The following MPRIP variants were observed in gnomAD, a reference collection of about 807,000 sequenced individuals.
MPRIP encodes myosin phosphatase Rho-interacting protein.
MPRIP carries 59 observed loss-of-function variants against 234.9 expected under a neutral mutation model. That is an observed-to-expected ratio of 0.25 (90% CI 0.20 to 0.31). The LOEUF is 0.31. Ranked by LOEUF, MPRIP falls within the 10% of genes least tolerant of loss-of-function variation. The probability of loss-of-function intolerance (pLI) is 1.00; values close to 1 mark genes in which losing one functional copy is unlikely to be tolerated. For missense variants in MPRIP, 2,436 were observed against 3,071.0 expected (o/e 0.79, Z 4.89); for synonymous variants, 1,144 against 1,263.9 (o/e 0.91, Z 2.01).
chr17:17,150,067 C>A, intron 11 of MPRIP, 77 bp from the exon 12 acceptor site: 1 of 1,041,916 alleles, frequency 9.6e-7, no homozygotes, highest in Non-Finnish European at 1.5e-6. Context: ...TGCAGAAAAT[C>A]ACTTACGGAA....
rs772542607 is a variant in MPRIP, at chr17:17,166,094, C to G, written c.4503C>G (p.Arg1501=). The G allele has an allele frequency of 7.7e-7, 1 of 1,298,596 alleles. No individual in the cohort carries two copies. Among genetic ancestry groups the G allele is most frequent in the Non-Finnish European group, 1.0e-6 (1 of 985,248 alleles). The allele number at this position is 1,298,596 out of a possible 1,614,324, so 80.4% of individuals were successfully genotyped here. A position where few individuals can be genotyped will look rare whatever the true frequency, so the allele number is the denominator to read the frequency against. The change falls in exon 16 of 24, where the codon CGC becomes CGG. Residue 1501 remains arginine, a synonymous_variant. Coordinates refer to ENST00000651222, the MANE Select transcript of MPRIP (RefSeq NM_001364716.4). This position sits in a 1 kb window ranked among gnomAD's most constrained non-coding sequence, Gnocchi z 4.4. ...RASQEDEQDA[R]AASLASVESA... The stretch of plus-strand genomic sequence containing the variant: ...GCCAGGAGGATGAGCAGGACGCACG[C>G]GCAGCCTCCCTGGCCAGTGTGGAGA...
intron 20 of MPRIP, 86 bp from the exon 21 acceptor site, chr17:17,176,340 G>A (rs2046252824): frequency 2.0e-6 from 2 of 1,000,448 alleles, no homozygotes; most frequent in Non-Finnish European, 3.2e-6. Flanking sequence ...TGATTGGAGA[G>A]CCCTCTGCAC....
At chr17:17,077,860 G>C in intron 2 of MPRIP, 151 bp from the exon 3 acceptor site, 1 of 723,154 alleles carries the variant, frequency 1.4e-6, no homozygotes, top group Non-Finnish European at 2.4e-6. Flanking sequence ...TTGTGCCTCG[G>C]GTCCCTCTTT....
intron 18 of MPRIP, 109 bp from the exon 19 acceptor site, chr17:17,173,807 G>A (rs777758891): frequency 9.4e-6 from 12 of 1,283,166 alleles, no homozygotes; most frequent in Non-Finnish European, 1.2e-5. Flanking sequence ...ACAACAGACT[G>A]TGTGGGCCTG....
chr17:17,148,033 G>T (rs2045516884), intron 11 of MPRIP, among the ~76,000 whole-genome samples: 1 of 152,190 alleles, frequency 6.6e-6, no homozygotes, highest in Non-Finnish European at 1.5e-5. Flanking sequence ...TCTGTTTCAG[G>T]TTAGTCATTC....
At chr17:17,105,540 A>G (rs1014470023) in intron 3 of MPRIP, among the ~76,000 whole-genome samples, 2 of 152,202 alleles carry the variant, frequency 1.3e-5, no homozygotes, top group Non-Finnish European at 2.9e-5. Flanking sequence ...ACCAGTCAAG[A>G]CAGGAAAGCT....
chr17:17,185,061 C>T lies in MPRIP; in HGVS notation c.*167C>T, dbSNP rs577570821. The stretch of plus-strand genomic sequence containing the variant: ...GTGAGGCTGGCTTCTGGGTTGTCCA[C>T]ACCACTCTCTGCTGTGTTGACTTCC... On this transcript the variant is annotated 3_prime_UTR_variant, in exon 24 of 24. Transcript: ENST00000651222. 5.0e-4 allele frequency: 260 copies of T among 520,826 alleles called. 1 individual carries two copies. The highest frequency in any genetic ancestry group is 8.1e-4 in the Non-Finnish European group (226 of 279,264). The allele number at this position is 520,826 out of a possible 1,614,324, so 32.3% of individuals were successfully genotyped here. A position where few individuals can be genotyped will look rare whatever the true frequency, so the allele number is the denominator to read the frequency against.
intron 2 of MPRIP, chr17:17,077,777 C>A: frequency 1.4e-4 from 52 of 376,430 alleles, no homozygotes; most frequent in Middle Eastern, 6.9e-4. Context: ...AAAAAGACTT[C>A]TTATTAAGCC....
chr17:17,080,657 G>A (rs964092965), intron 3 of MPRIP, among the ~76,000 whole-genome samples: 7 of 152,228 alleles, frequency 4.6e-5, no homozygotes, highest in African/African-American at 1.7e-4. Flanking sequence ...TCACAGAACA[G>A]CCCCCAGAAC....
chr17:17,099,015 C>T (rs906105762), intron 3 of MPRIP, among the ~76,000 whole-genome samples: 13 of 152,196 alleles, frequency 8.5e-5, no homozygotes, highest in African/African-American at 3.1e-4. Flanking sequence ...TCTGCTTCCA[C>T]CATCCCCTAG....
chr17:17,174,928 C>T (rs1052016138), intron 19 of MPRIP, among the ~76,000 whole-genome samples: 26 of 152,210 alleles, frequency 1.7e-4, no homozygotes, highest in Non-Finnish European at 3.8e-4. Context: ...TAAAACAGCC[C>T]TCTATGACCC....
intron 3 of MPRIP, among the ~76,000 whole-genome samples, chr17:17,107,763 C>G (rs1318362000): frequency 1.3e-5 from 2 of 152,246 alleles, no homozygotes; most frequent in Non-Finnish European, 2.9e-5. Context: ...GAGTTCCCAT[C>G]TCTCTAGCTG....
chr17:17,171,608 C>T, intron 16 of MPRIP, 110 bp from the exon 17 acceptor site: 1 of 1,387,740 alleles, frequency 7.2e-7, no homozygotes, highest in Non-Finnish European at 9.8e-7. Flanking sequence ...AGTGAATGCC[C>T]AGTCACAGCT....
chr17:17,177,362 C>T lies in MPRIP; in HGVS notation c.7070C>T (p.Thr2357Met), dbSNP rs780039152. 16 of 1,613,764 alleles carry T rather than the reference C, an allele frequency of 9.9e-6. No individual in the cohort carries two copies. Among genetic ancestry groups the T allele is most frequent in the African/African-American group, 6.7e-5 (5 of 74,932 alleles). ...SRLKEQLKAATEALGEKSPDS... is the reference protein window; with the variant it reads ...SRLKEQLKAAMEALGEKSPDS... ...TTGAAGGAGCAGCTCAAGGCTGCAA[C>T]GGAAGCACTGGGGGAGAAGTCCCCT... The change falls in exon 22 of 24, where the codon ACG becomes ATG. Residue 2357 changes from threonine (T) to methionine (M), a missense_variant. Around this residue, in one of 4 missense-constraint regions of MPRIP, gnomAD observed 1,998 missense variants for 2,520.3 expected, o/e 0.79. Transcript: ENST00000651222.
At chr17:17,073,665 G>C (rs144599245) in intron 1 of MPRIP, among the ~76,000 whole-genome samples, 5 of 152,214 alleles carry the variant, frequency 3.3e-5, no homozygotes, top group Non-Finnish European at 7.4e-5. Context: ...GTCCAGCTCC[G>C]GCTTTCCCAT....
intron 15 of MPRIP, among the ~76,000 whole-genome samples, chr17:17,162,059 G>T (rs1412726280): frequency 6.6e-6 from 1 of 152,260 alleles, no homozygotes; most frequent in Admixed American, 6.5e-5. Context: ...CCCATTGAGT[G>T]GTAGAGGAGA....
At chr17:17,155,595 C>T (rs1013360004) in intron 13 of MPRIP, among the ~76,000 whole-genome samples, 2 of 152,228 alleles carry the variant, frequency 1.3e-5, no homozygotes, top group Non-Finnish European at 2.9e-5. Flanking sequence ...GGACTCCACA[C>T]CTCTTTACAT....
Position 17,175,337 on chromosome 17 carries a change from G to A in MPRIP, c.6795G>A (p.Thr2265=), listed in dbSNP as rs1442049896. 5 of 1,613,438 alleles carry A rather than the reference G, an allele frequency of 3.1e-6. No individual in the cohort carries two copies. The highest frequency in any genetic ancestry group is 3.3e-5 in the Admixed American group (2 of 60,004). ...RLAAEITRLR[T]LLTGDGGGEA... ...CTGCAGAGATCACACGGTTGCGGAC[G>A]CTGCTGACTGGGGACGGCGGTGGGG... The change falls in exon 20 of 24, where the codon ACG becomes ACA. Residue 2265 remains threonine (T), a synonymous_variant. Transcript: ENST00000651222.
At chr17:17,085,682 G>A (rs1228253419) in intron 3 of MPRIP, among the ~76,000 whole-genome samples, 1 of 152,246 alleles carries the variant, frequency 6.6e-6, no homozygotes, top group Non-Finnish European at 1.5e-5. Context: ...GGGAGGCCGA[G>A]GCGAGCAGAT....
Sources: allele counts gnomAD v4.1 joint callset (sites outside exome capture counted in the v4.1 genomes callset), GRCh38; gene constraint gnomAD v4.1.1; regional missense constraint gnomAD v4.1.1; non-coding constraint Gnocchi (gnomAD v3.1); transcripts MANE v1.5; gene names NCBI Gene and HGNC (gene_info 2026-07-23, HGNC 2026-07-21).